Variants in BBOX1 observed in about 807,000 individuals in gnomAD.
BBOX1 encodes the protein gamma-butyrobetaine hydroxylase 1.
BBOX1 carries 35 observed loss-of-function variants against 41.6 expected under a neutral mutation model. The ratio of observed to expected loss-of-function variants is 0.84; its 90% confidence interval spans 0.64 to 1.11. The LOEUF (loss-of-function observed/expected upper bound fraction) is 1.11. BBOX1 is among the 50% of genes most tolerant of loss of function. The pLI is 0.00. For synonymous variants in BBOX1, 163 were observed against 154.7 expected (o/e 1.05, Z -0.40); for missense variants, 458 against 460.6 (o/e 0.99, Z 0.05).
chr11:27,066,099 TTAAAG>T (rs1192023339), intron 4 of BBOX1, among the ~76,000 whole-genome samples: 9 of 152,218 alleles, frequency 5.9e-5, no homozygotes, highest in African/African-American at 2.2e-4. Flanking sequence ...TGTAGTTATA[TTAAAG>T]TAAAGTTATT....
intron 4 of BBOX1, among the ~76,000 whole-genome samples, chr11:27,071,111 A>G (rs1857432124): frequency 6.6e-6 from 1 of 152,156 alleles, no homozygotes; most frequent in South Asian, 2.1e-4. Context: ...GCGGTGGCTC[A>G]TGCCTATAAT....
intron 5 of BBOX1, among the ~76,000 whole-genome samples, chr11:27,106,653 C>T (rs1187971028): frequency 6.6e-6 from 1 of 152,022 alleles, no homozygotes; most frequent in African/African-American, 2.4e-5. Context: ...CTTTAACACC[C>T]CACTGTCAAC....
chr11:27,069,802 G>C (rs1468173966), intron 4 of BBOX1, among the ~76,000 whole-genome samples: 2 of 152,018 alleles, frequency 1.3e-5, no homozygotes, highest in African/African-American at 4.8e-5. Flanking sequence ...AGCATTTTGA[G>C]GTACGTTCCT....
At chr11:27,072,171 C>A (rs900955573) in intron 4 of BBOX1, among the ~76,000 whole-genome samples, 18 of 151,984 alleles carry the variant, frequency 1.2e-4, no homozygotes, top group Non-Finnish European at 2.6e-4. Flanking sequence ...TTTAGAAAAC[C>A]CCATCATCTC....
chr11:27,077,256 C>G (rs909864507), intron 4 of BBOX1, among the ~76,000 whole-genome samples: 3 of 152,104 alleles, frequency 2.0e-5, no homozygotes, highest in African/African-American at 7.2e-5. Context: ...TGGGAATGCA[C>G]AAAAGTCTTC....
At position 27,116,784 on chromosome 11, in the gene BBOX1, G is replaced by A. The variant is rs181377537; in HGVS notation, c.639+1227G>A. ...TAGTCACCTCTGCAATGTTATATTG[G>A]TCTAAGGAAGTAATAAATCTAGCCC... On this transcript the variant is annotated intron_variant, in intron 6 of 8. Coordinates refer to ENST00000263182, the MANE Select transcript of BBOX1 (RefSeq NM_003986.3). Among the ~76,000 whole-genome samples, 21 of 152,092 alleles carry A rather than the reference G, an allele frequency of 1.4e-4. No homozygotes were observed. In the East Asian group the frequency reaches 2.7e-3, roughly 20 times the overall value.
chr11:27,111,990 G>C (rs2134087297), intron 5 of BBOX1, among the ~76,000 whole-genome samples: 1 of 152,076 alleles, frequency 6.6e-6, no homozygotes, highest in East Asian at 1.9e-4. Flanking sequence ...CAGGCGTTAT[G>C]TGTCTGGCAA....
At chr11:27,117,271 T>A (rs1216516694) in intron 6 of BBOX1, among the ~76,000 whole-genome samples, 1 of 152,000 alleles carries the variant, frequency 6.6e-6, no homozygotes, top group Non-Finnish European at 1.5e-5. Context: ...TTTTTCATTA[T>A]CTTCACTGTA....
At chr11:27,090,982 T>C (rs1440469079) in intron 4 of BBOX1, among the ~76,000 whole-genome samples, 5 of 151,952 alleles carry the variant, frequency 3.3e-5, no homozygotes, top group Non-Finnish European at 5.9e-5. Flanking sequence ...TGTCTTCTGT[T>C]TTACAATCAA....
chr11:27,084,971 T>C (rs565504179), intron 4 of BBOX1, among the ~76,000 whole-genome samples: 1 of 152,186 alleles, frequency 6.6e-6, no homozygotes, highest in Non-Finnish European at 1.5e-5. Context: ...GTAATGTTTA[T>C]GTACCCAGAC....
At chr11:27,096,411 T>C (rs1466676025) in intron 5 of BBOX1, among the ~76,000 whole-genome samples, 1 of 151,936 alleles carries the variant, frequency 6.6e-6, no homozygotes, top group Non-Finnish European at 1.5e-5. Flanking sequence ...GATTAAACAA[T>C]AGAAGAGGGG....
chr11:27,117,377 T>C (rs1235311252), intron 6 of BBOX1, among the ~76,000 whole-genome samples: 1 of 152,056 alleles, frequency 6.6e-6, no homozygotes, highest in Non-Finnish European at 1.5e-5. Flanking sequence ...AATTATTTTG[T>C]TGATTGTAAA....
rs530143705 is a variant in BBOX1 at position 27,104,754 on chromosome 11, A to G, written c.534-10698A>G. On this transcript the variant is annotated intron_variant, in intron 5 of 8. Transcript: ENST00000263182. ...CTTTGAAGAGAGTAGTGGTTCTCCC[A>G]GCATGGAGTTTGAGATCTGAGAACG... Among the ~76,000 whole-genome samples the G allele has an allele frequency of 8.5e-5, 13 of 152,290 alleles. No homozygotes were observed. In the South Asian group the frequency reaches 2.7e-3, roughly 32 times the overall value.
At position 27,093,433 on chromosome 11, in the gene BBOX1, C is replaced by T. The variant is rs575496179; in HGVS notation, c.533+67C>T. The T allele has an allele frequency of 2.4e-5, 36 of 1,486,766 alleles. 1 individual carries two copies. The highest frequency in any genetic ancestry group is 1.8e-4 in the Middle Eastern group (1 of 5,662). 92.1% of individuals were successfully genotyped at this position (1,486,766 alleles called of 1,614,324 possible). On this transcript the variant is annotated intron_variant, in intron 5 of 8. Transcript: ENST00000263182. ...GTTTGAAATAGTTCCCAACTGAGGA[C>T]GACCGCCTTGATTGAAGATACAGAA...
chr11:27,059,410 G>A (rs983804907), intron 4 of BBOX1, among the ~76,000 whole-genome samples: 1 of 152,226 alleles, frequency 6.6e-6, no homozygotes, highest in Admixed American at 6.5e-5. Flanking sequence ...GGGTGCCCAA[G>A]CAGAAGCCTG....
chr11:27,093,278 A>G lies in BBOX1; in HGVS notation c.445A>G (p.Ile149Val), dbSNP rs1858316934. Residue 149 changes from isoleucine (I) to valine (V), a missense_variant, in exon 5 of 9, where the codon ATA becomes GTA. Coordinates refer to ENST00000263182, the MANE Select transcript of BBOX1 (RefSeq NM_003986.3). ...GCTCTCCACCCTCAAGAAAGTAGGCATAGTAAGACTCACCGGAGCATCTGA... is the reference window on the plus strand; with the variant it reads ...GCTCTCCACCCTCAAGAAAGTAGGCGTAGTAAGACTCACCGGAGCATCTGA... ...KWLSTLKKVG[I>V]VRLTGASDKP... 3 of 1,612,654 alleles carry G rather than the reference A, an allele frequency of 1.9e-6. No homozygotes were observed. Among genetic ancestry groups the G allele is most frequent in the Non-Finnish European group, 2.5e-6 (3 of 1,179,078 alleles).
rs1290337711 is a variant in BBOX1, at chr11:27,093,423, C to A, written c.533+57C>A. ...CACAGATAAGGTTTGAAATAGTTCC[C>A]AACTGAGGACGACCGCCTTGATTGA... On this transcript the variant is annotated intron_variant, in intron 5 of 8. Transcript: ENST00000263182. The A allele has an allele frequency of 1.0e-5, 16 of 1,542,264 alleles. No individual in the cohort carries two copies. In the East Asian group the frequency reaches 3.4e-4, roughly 33 times the overall value.
chr11:27,074,174 C>G (rs987233453), intron 4 of BBOX1, among the ~76,000 whole-genome samples: 1 of 152,036 alleles, frequency 6.6e-6, no homozygotes, highest in African/African-American at 2.4e-5. Flanking sequence ...TTCCTGAGGC[C>G]TCCCAGTCAT....
chr11:27,095,341 A>ACT (rs1858401488), intron 5 of BBOX1, among the ~76,000 whole-genome samples: 1 of 151,640 alleles, frequency 6.6e-6, no homozygotes, highest in Non-Finnish European at 1.5e-5. Context: ...AAACCATCAC[A>ACT]CTAGGGGTCA....
Sources: allele counts gnomAD v4.1 joint callset (sites outside exome capture counted in the v4.1 genomes callset), GRCh38; gene constraint gnomAD v4.1.1; transcripts MANE v1.5; gene names NCBI Gene and HGNC (gene_info 2026-07-23, HGNC 2026-07-21).